The following LATS2 variants were observed in gnomAD, a reference collection of about 807,000 sequenced individuals.
LATS2 encodes serine/threonine-protein kinase LATS2.
LATS2 carries 24 observed loss-of-function variants against 76.0 expected under a neutral mutation model. The observed-to-expected ratio is 0.32, with a 90% CI of 0.23 to 0.44. The LOEUF (loss-of-function observed/expected upper bound fraction) is 0.44. LATS2 is among the 20% of genes least tolerant of loss of function. LATS2 has a pLI of 1.00. For synonymous variants in LATS2, 692 were observed against 635.4 expected, an observed-to-expected ratio of 1.09 and a Z score of -1.34; for missense variants, 1,286 against 1,481.2, an observed-to-expected ratio of 0.87 and a Z score of 2.16.
intron 4 of LATS2, 102 bp downstream of exon 4, chr13:20,987,779 T>C: frequency 1.5e-6 from 2 of 1,343,796 alleles, no homozygotes; most frequent in South Asian, 1.4e-5. Flanking sequence ...GTTTTGATGA[T>C]AAGGGGTATA....
At position 20,988,856 on chromosome 13, in the gene LATS2, G is replaced by A. The variant is rs769212994; in HGVS notation, c.924C>T (p.Ala308=). Residue 308 remains alanine (A), a synonymous_variant, in exon 4 of 8, where the codon GCC becomes GCT. Coordinates refer to ENST00000382592, the MANE Select transcript of LATS2 (RefSeq NM_014572.3). ...GTGGGTGCGGCACGTAGAGCCCGGC[G>A]GCAGGGGGTGGGAAAGCGAGGCCGG... ...PGAGLAFPPP[A]AGLYVPHPHH... 17 of 1,586,582 alleles carry A rather than the reference G, an allele frequency of 1.1e-5. No individual in the cohort carries two copies. In the East Asian group the frequency reaches 1.8e-4, roughly 17 times the overall value.
chr13:20,990,295 CT>C (rs985611420), intron 3 of LATS2, among the ~76,000 whole-genome samples: 17 of 151,986 alleles, frequency 1.1e-4, no homozygotes. Flanking sequence ...GGATGGCCAG[CT>C]GGGGGCTATT....
chr13:20,987,928 G>T lies in LATS2; in HGVS notation c.1852C>A (p.Gln618Lys). 1 of 1,614,114 alleles carries T rather than the reference G, an allele frequency of 6.2e-7. No individual in the cohort carries two copies. Among genetic ancestry groups the T allele is most frequent in the Non-Finnish European group, 8.5e-7 (1 of 1,179,968 alleles). Residue 618 changes from glutamine (Q) to lysine (K), a missense_variant, in exon 4 of 8, where the codon CAG becomes AAG. Coordinates refer to ENST00000382592, the MANE Select transcript of LATS2 (RefSeq NM_014572.3). ...TGCAGCCTCCGGTTAACCTTCTGCT[G>T]GTAGGTTTTGATGACATTCTCCACG... ...QHVENVIKTY[Q>K]QKVNRRLQLE...
chr13:21,050,617 T>C (rs1411293379), intron 1 of LATS2, among the ~76,000 whole-genome samples: 1 of 152,222 alleles, frequency 6.6e-6, no homozygotes, highest in Non-Finnish European at 1.5e-5. Context: ...TTCTACCTAA[T>C]GGACGTTTAG....
rs1319325446 is a variant in LATS2, at chr13:21,007,756, ATATAT to A, written c.343-16357_343-16353del. ...ATATAGTATATATATATATATATAT[ATATAT>A]TTTTTTTTTTTTTTTGAGATGGAGT... is the stretch of plus-strand genomic sequence containing the variant. On this transcript the variant is annotated intron_variant, in intron 2 of 7. Coordinates refer to ENST00000382592, the MANE Select transcript of LATS2 (RefSeq NM_014572.3). 3.4e-4 allele frequency among the ~76,000 whole-genome samples: 2 copies of A among 5,952 alleles called. 1 individual carries two copies. The highest frequency in any genetic ancestry group is 0.013 in the East Asian group (2 of 156). 3.9% of individuals were successfully genotyped at this position (5,952 alleles called of 152,430 possible).
At chr13:21,051,715 T>C (rs571889621) in intron 1 of LATS2, among the ~76,000 whole-genome samples, 1 of 152,034 alleles carries the variant, frequency 6.6e-6, no homozygotes, top group African/African-American at 2.4e-5. Flanking sequence ...TCCTGGCACT[T>C]TGGGAGGCCA....
intron 2 of LATS2, among the ~76,000 whole-genome samples, chr13:21,038,953 C>T (rs1227202699): frequency 2.6e-5 from 4 of 152,220 alleles, no homozygotes; most frequent in African/African-American, 7.2e-5. Context: ...GCACTCCAGC[C>T]TAGGCACAGA....
intron 4 of LATS2, 141 bp downstream of exon 4, chr13:20,987,740 C>T (rs1195107998): frequency 5.4e-6 from 5 of 933,644 alleles, no homozygotes; most frequent in Non-Finnish European, 7.9e-6. Context: ...AAGTTGTTGG[C>T]CCCAGAACCA....
In LATS2 at chr13:20,975,131, G is replaced by A. The variant is rs373374500; in HGVS notation, c.3006C>T (p.Phe1002=). The change falls in exon 8 of 8, where the codon TTC becomes TTT. Residue 1002 remains phenylalanine (F), a synonymous_variant. Coordinates refer to ENST00000382592, the MANE Select transcript of LATS2 (RefSeq NM_014572.3). ...TISHPMDTSN[F]DPVDEESPWN... ...AAGGGCTTTCTTCATCTACGGGGTC[G>A]AAATTCGAGGTGTCCATGGGGTGGC... 39 of 1,614,202 alleles carry A rather than the reference G, an allele frequency of 2.4e-5. No individual in the cohort carries two copies. The highest frequency in any genetic ancestry group is 1.1e-4 in the East Asian group (5 of 44,880).
Position 20,975,176 on chromosome 13 carries a change from G to T in LATS2, c.2961C>A (p.Ala987=). Residue 987 remains alanine, a synonymous_variant, in exon 8 of 8, where the codon GCC becomes GCA. Transcript: ENST00000382592. ...DFSSDIRKQP[A]PYVPTISHPM... is the part of the protein sequence containing the mutation. ...GGTGGCTGATGGTGGGAACGTAGGGGGCTGGCTGCTTCCGGATGTCACTGG... is the reference window on the plus strand; with the variant it reads ...GGTGGCTGATGGTGGGAACGTAGGGTGCTGGCTGCTTCCGGATGTCACTGG... 2 of 1,614,178 alleles carry T rather than the reference G, an allele frequency of 1.2e-6. No individual in the cohort carries two copies. The highest frequency in any genetic ancestry group is 1.7e-6 in the Non-Finnish European group (2 of 1,180,026).
chr13:21,044,424 T>G (rs1398082543), intron 2 of LATS2, among the ~76,000 whole-genome samples: 1 of 152,222 alleles, frequency 6.6e-6, no homozygotes, highest in East Asian at 1.9e-4. Context: ...GCATGAAATC[T>G]TACTACTTTT....
In LATS2 at chr13:21,045,993, A is replaced by G. The variant is rs544195996; in HGVS notation, c.34T>C (p.Ser12Pro). 5 of 1,613,832 alleles carry G rather than the reference A, an allele frequency of 3.1e-6. No individual in the cohort carries two copies. In the East Asian group the frequency reaches 1.1e-4, roughly 36 times the overall value. The change falls in exon 2 of 8, where the codon TCT (serine) becomes CCT (proline). Residue 12 changes from serine (S) to proline (P), a missense_variant. Around this residue, in one of 5 missense-constraint regions of LATS2, gnomAD observed 101 missense variants for 141.4 expected, o/e 0.71. Transcript: ENST00000382592. ...TGCAGTCGCTGCCGGCTATTTCCAGAATAAGTCGTGGCAGGAAAAGTCTTT... is the reference window on the plus strand; with the variant it reads ...TGCAGTCGCTGCCGGCTATTTCCAGGATAAGTCGTGGCAGGAAAAGTCTTT... ...RPKTFPATTY[S>P]GNSRQRLQEI...
rs1268600019 is a variant in LATS2, at chr13:20,989,150, C to T, written c.630G>A (p.Pro210=). Residue 210 remains proline (P), a synonymous_variant, in exon 4 of 8, where the codon CCG becomes CCA. Transcript: ENST00000382592. The part of the protein sequence containing the change: ...GPTALEEMPR[P]YVDYLFPGVG... ...CTCCGGGGAAAAGGTAGTCCACGTACGGCCGCGGCATCTCCTCCAGCGCCG... is the reference window on the plus strand; with the variant it reads ...CTCCGGGGAAAAGGTAGTCCACGTATGGCCGCGGCATCTCCTCCAGCGCCG... 15 of 1,612,072 alleles carry T rather than the reference C, an allele frequency of 9.3e-6. No individual in the cohort carries two copies. The highest frequency in any genetic ancestry group is 1.2e-5 in the Non-Finnish European group (14 of 1,179,630).
chr13:21,050,627 G>C (rs984446687), intron 1 of LATS2, among the ~76,000 whole-genome samples: 1 of 152,180 alleles, frequency 6.6e-6, no homozygotes, highest in East Asian at 1.9e-4. Context: ...TGGACGTTTA[G>C]GTTACTCCTG....
chr13:20,991,420 A>C lies in LATS2; in HGVS notation c.343-16T>G. The C allele has an allele frequency of 6.2e-7, 1 of 1,613,938 alleles. No individual in the cohort carries two copies. The highest frequency in any genetic ancestry group is 8.5e-7 in the Non-Finnish European group (1 of 1,179,968). ...CAGCCATCTCCTGGGAGGGAAGTAA[A>C]GGAGAGGTAAGTGCATGTCATCCTA... On this transcript the variant is annotated splice_polypyrimidine_tract_variant and intron_variant, in intron 2 of 7. Transcript: ENST00000382592. This position sits in a 1 kb window ranked among gnomAD's most constrained non-coding sequence, Gnocchi z 4.9.
intron 2 of LATS2, among the ~76,000 whole-genome samples, chr13:21,033,418 A>G (rs1490931507): frequency 6.6e-6 from 1 of 152,058 alleles, no homozygotes; most frequent in African/African-American, 2.4e-5. Flanking sequence ...AGAGAGGTAG[A>G]GATGTGCACG....
intron 3 of LATS2, among the ~76,000 whole-genome samples, chr13:20,989,638 C>T (rs1266026526): frequency 3.9e-5 from 6 of 152,234 alleles, no homozygotes; most frequent in South Asian, 2.1e-4. Flanking sequence ...GCTAGGGAGC[C>T]GTCTGCATAG....
intron 2 of LATS2, among the ~76,000 whole-genome samples, chr13:21,002,087 GTAT>G (rs1403496723): frequency 2.6e-5 from 4 of 151,390 alleles, no homozygotes; most frequent in Non-Finnish European, 5.9e-5. Flanking sequence ...CTAATTTTTT[GTAT>G]TTTTAGTAGA....
Position 21,046,234 on chromosome 13 carries a change from A to G in LATS2, c.-204-4T>C. The G allele has an allele frequency of 2.2e-6, 1 of 456,958 alleles. No homozygotes were observed. The highest frequency in any genetic ancestry group is 3.9e-6 in the Non-Finnish European group (1 of 258,790). 28.3% of individuals were successfully genotyped at this position (456,958 alleles called of 1,614,324 possible). A position where few individuals can be genotyped will look rare whatever the true frequency, so the allele number is the denominator to read the frequency against. Reference sequence around the variant, plus strand: ...TCATTTTGAAGATTATCACTCTCTGAAAAAGAAAATAAATGGGAGAGAAAT... The same window carrying G: ...TCATTTTGAAGATTATCACTCTCTGGAAAAGAAAATAAATGGGAGAGAAAT... On this transcript the variant is annotated splice_polypyrimidine_tract_variant and splice_region_variant and intron_variant, in intron 1 of 7. Coordinates refer to ENST00000382592, the MANE Select transcript of LATS2 (RefSeq NM_014572.3).
Sources: gnomAD v4.1 joint callset for allele counts (sites outside exome capture counted in the v4.1 genomes callset) on GRCh38, gnomAD v4.1.1 for gene constraint, gnomAD v4.1.1 regional missense constraint, Gnocchi (gnomAD v3.1) non-coding constraint, MANE v1.5 for transcripts, NCBI Gene and HGNC (gene_info 2026-07-23, HGNC 2026-07-21) for gene names.